DTNB: variants seen among roughly 807,000 people sequenced by gnomAD.
DTNB encodes DTN-B.
In DTNB, 63 loss-of-function variants were observed where a neutral mutation model predicts 90.7. The ratio of observed to expected loss-of-function variants is 0.69; its 90% confidence interval spans 0.57 to 0.86. The LOEUF is 0.86. Ranked by LOEUF, DTNB falls within the 40% of genes least tolerant of loss-of-function variation. DTNB has a pLI of 0.00. For synonymous variants in DTNB, 277 were observed against 286.7 expected, an observed-to-expected ratio of 0.97 and a Z score of 0.34; for missense variants, 744 against 807.1, an observed-to-expected ratio of 0.92 and a Z score of 0.95.
At chr2:25,573,215 G>A (rs367686161) in intron 8 of DTNB, among the ~76,000 whole-genome samples, 1 of 152,202 alleles carries the variant, frequency 6.6e-6, no homozygotes, top group East Asian at 1.9e-4. Flanking sequence ...CAAACTGCTC[G>A]GATTACAGGA....
intron 4 of DTNB, among the ~76,000 whole-genome samples, chr2:25,613,888 G>A (rs1481661797): frequency 5.3e-5 from 8 of 152,158 alleles, no homozygotes; most frequent in Non-Finnish European, 1.0e-4. Context: ...AACCCAGGAA[G>A]TGGAGGTTGC....
intron 4 of DTNB, among the ~76,000 whole-genome samples, chr2:25,615,173 T>G (rs1310914142): frequency 6.6e-6 from 1 of 152,194 alleles, no homozygotes; most frequent in African/African-American, 2.4e-5. Context: ...AACAGTCAGA[T>G]GGAGGAGATG....
chr2:25,387,381 G>A lies in DTNB; in HGVS notation c.1736-3C>T, dbSNP rs758235749. ...ATTGCGGAGGTTTCTCCTCGTACCT[G>A]AGGAGAGGCAGAGCAGATGGGGATG... On this transcript the variant is annotated splice_region_variant and splice_polypyrimidine_tract_variant and intron_variant, in intron 17 of 20. Transcript: ENST00000406818. This position sits in a 1 kb window ranked among gnomAD's most constrained non-coding sequence, Gnocchi z 4.5. The A allele has an allele frequency of 1.2e-6, 2 of 1,611,244 alleles. No homozygotes were observed. Among genetic ancestry groups the A allele is most frequent in the East Asian group, 2.2e-5 (1 of 44,838 alleles).
intron 5 of DTNB, among the ~76,000 whole-genome samples, chr2:25,606,138 C>T (rs898461548): frequency 1.3e-5 from 2 of 151,686 alleles, no homozygotes; most frequent in African/African-American, 2.4e-5. Flanking sequence ...GTAATCTTGC[C>T]GAAAAACTTG....
intron 9 of DTNB, among the ~76,000 whole-genome samples, chr2:25,491,779 A>G (rs1446324391): frequency 1.3e-5 from 2 of 151,930 alleles, no homozygotes; most frequent in Non-Finnish European, 2.9e-5. Flanking sequence ...TTTACTAATA[A>G]TAGCAATATT....
chr2:25,547,989 A>G (rs952463158), intron 8 of DTNB, among the ~76,000 whole-genome samples: 6 of 152,318 alleles, frequency 3.9e-5, no homozygotes, highest in African/African-American at 1.4e-4. Context: ...AGAAAGCAAA[A>G]CTGTCTGTAC....
intron 19 of DTNB, chr2:25,383,610 C>T (rs985820953): frequency 1.2e-6 from 1 of 842,384 alleles, no homozygotes; most frequent in Non-Finnish European, 1.8e-6. Flanking sequence ...ATCCCAACTA[C>T]CTATCCCAGG....
chr2:25,645,067 G>T (rs1316072270), intron 2 of DTNB, among the ~76,000 whole-genome samples: 1 of 152,140 alleles, frequency 6.6e-6, no homozygotes, highest in Non-Finnish European at 1.5e-5. Flanking sequence ...ACAAAAATAA[G>T]AATAATAGCA....
At chr2:25,633,820 C>G (rs1343184599) in intron 3 of DTNB, among the ~76,000 whole-genome samples, 1 of 150,662 alleles carries the variant, frequency 6.6e-6, no homozygotes, top group African/African-American at 2.4e-5. Flanking sequence ...GCCTCTGCCC[C>G]GCCACCCCGT....
At chr2:25,466,277 G>C (rs1308387787) in intron 10 of DTNB, among the ~76,000 whole-genome samples, 1 of 152,242 alleles carries the variant, frequency 6.6e-6, no homozygotes, top group Non-Finnish European at 1.5e-5. Flanking sequence ...AGAGTTTGCA[G>C]TGAGGCGAGA....
chr2:25,379,321 A>T lies in DTNB; in HGVS notation c.1882T>A (p.Ter628LysextTer73). The T allele has an allele frequency of 2.3e-6, 3 of 1,317,764 alleles. No homozygotes were observed. The highest frequency in any genetic ancestry group is 2.9e-6 in the Non-Finnish European group (3 of 1,024,036). 81.6% of individuals were successfully genotyped at this position (1,317,764 alleles called of 1,614,324 possible). A position where few individuals can be genotyped will look rare whatever the true frequency, so the allele number is the denominator to read the frequency against. ...TTCCTCTGTGTCCGGCTCCTCTGCT[A>T]ACCTGTGGCAGCATGGGCAGAAACA... The part of the protein sequence containing the change: ...EKMQNGKDRG[*>K] Residue 628 changes from the stop codon to lysine (K), a stop_lost and splice_region_variant, in exon 20 of 21, where the codon TAG (stop) becomes AAG (lysine). Coordinates refer to ENST00000406818, the MANE Select transcript of DTNB (RefSeq NM_021907.5).
chr2:25,653,604 C>T (rs182652148), intron 1 of DTNB, among the ~76,000 whole-genome samples: 2 of 150,460 alleles, frequency 1.3e-5, no homozygotes, highest in Non-Finnish European at 3.0e-5. Flanking sequence ...CTCCGACTCC[C>T]GGGTTCAAGC....
At chr2:25,551,313 T>C (rs2083611171) in intron 8 of DTNB, among the ~76,000 whole-genome samples, 1 of 152,238 alleles carries the variant, frequency 6.6e-6, no homozygotes, top group Admixed American at 6.5e-5. Flanking sequence ...AGTTTCCTGA[T>C]TGCTCTGCTT....
At chr2:25,633,489 G>T (rs2076251235) in intron 3 of DTNB, among the ~76,000 whole-genome samples, 1 of 152,114 alleles carries the variant, frequency 6.6e-6, no homozygotes, top group Non-Finnish European at 1.5e-5. Flanking sequence ...AGGCTGGAGT[G>T]CAGTGGCGTG....
chr2:25,583,951 C>G (rs759451477), intron 6 of DTNB, among the ~76,000 whole-genome samples: 40 of 152,036 alleles, frequency 2.6e-4, no homozygotes, highest in Non-Finnish European at 5.4e-4. Flanking sequence ...ATGACGTTTT[C>G]CAAAAACATG....
intron 8 of DTNB, among the ~76,000 whole-genome samples, chr2:25,567,082 T>G (rs1346441265): frequency 6.6e-6 from 1 of 152,222 alleles, no homozygotes; most frequent in African/African-American, 2.4e-5. Context: ...CTTGATTTTG[T>G]ATATTCTGTT....
chr2:25,402,671 C>G (rs1345251679), intron 16 of DTNB, among the ~76,000 whole-genome samples: 3 of 152,172 alleles, frequency 2.0e-5, no homozygotes, highest in Admixed American at 2.0e-4. Flanking sequence ...GTTTCCATAT[C>G]ATGTCAGAAA....
chr2:25,471,654 G>A (rs1307093307), intron 10 of DTNB, among the ~76,000 whole-genome samples: 1 of 151,998 alleles, frequency 6.6e-6, no homozygotes, highest in African/African-American at 2.4e-5. Context: ...CACCTGCCTC[G>A]ACCTCCCAAA....
intron 8 of DTNB, among the ~76,000 whole-genome samples, chr2:25,549,660 C>G (rs1572429358): frequency 6.6e-6 from 1 of 151,928 alleles, no homozygotes; most frequent in Non-Finnish European, 1.5e-5. Context: ...TATTTGCTTC[C>G]TTCTTTTTTC....
Sources: gnomAD v4.1 joint callset for allele counts (sites outside exome capture counted in the v4.1 genomes callset) on GRCh38, gnomAD v4.1.1 for gene constraint, Gnocchi (gnomAD v3.1) non-coding constraint, MANE v1.5 for transcripts, NCBI Gene and HGNC (gene_info 2026-07-23, HGNC 2026-07-21) for gene names.